Variants in GATAD2A observed in about 807,000 individuals in gnomAD.
GATAD2A encodes transcriptional repressor p66-alpha.
GATAD2A carries 12 observed loss-of-function variants against 68.5 expected under a neutral mutation model. That is an observed-to-expected ratio of 0.18 (90% CI 0.11 to 0.28). GATAD2A has a LOEUF of 0.28. Ranked by LOEUF, GATAD2A falls within the 10% of genes least tolerant of loss-of-function variation. The pLI, the probability that GATAD2A is intolerant of heterozygous loss-of-function variation, is 1.00. For missense variants in GATAD2A, 755 were observed against 868.5 expected (o/e 0.87, Z 1.64); for synonymous variants, 410 against 375.3 (o/e 1.09, Z -1.07).
chr19:19,449,474 A>G (rs1034497678), intron 1 of GATAD2A, among the ~76,000 whole-genome samples: 3 of 152,108 alleles, frequency 2.0e-5, no homozygotes, highest in African/African-American at 7.2e-5. Context: ...ACATGCACAC[A>G]TGCCACGAGA....
chr19:19,505,561 G>T lies in GATAD2A; in HGVS notation c.*87G>T. The T allele has an allele frequency of 8.0e-7, 1 of 1,249,546 alleles. No individual in the cohort carries two copies. Among genetic ancestry groups the T allele is most frequent in the East Asian group, 2.7e-5 (1 of 37,668 alleles). 77.4% of individuals were successfully genotyped at this position (1,249,546 alleles called of 1,614,324 possible). A position where few individuals can be genotyped will look rare whatever the true frequency, so the allele number is the denominator to read the frequency against. ...GGACCCACTGCACCACCCTCCGCTG[G>T]CTCGGGAAGACACCGTGCCCGCCCC... On this transcript the variant is annotated 3_prime_UTR_variant, in exon 12 of 12. Transcript: ENST00000683918.
intron 2 of GATAD2A, among the ~76,000 whole-genome samples, chr19:19,489,375 T>A (rs1283609530): frequency 6.6e-6 from 1 of 152,244 alleles, no homozygotes; most frequent in Non-Finnish European, 1.5e-5. Flanking sequence ...GAACTGGCCG[T>A]TGCCATGGTT....
At chr19:19,443,898 G>C (rs1007207419) in intron 1 of GATAD2A, among the ~76,000 whole-genome samples, 6 of 151,970 alleles carry the variant, frequency 3.9e-5, no homozygotes, top group Non-Finnish European at 5.9e-5. Context: ...AGCAGAGACT[G>C]GAATTGCCAG....
intron 11 of GATAD2A, among the ~76,000 whole-genome samples, chr19:19,504,588 G>C (rs866867152): frequency 1.3e-5 from 2 of 151,664 alleles, no homozygotes; most frequent in Middle Eastern, 6.8e-3. Context: ...TGGAGTTTGA[G>C]ACCAGTAAAC....
intron 1 of GATAD2A, among the ~76,000 whole-genome samples, chr19:19,427,269 G>T (rs2053206605): frequency 6.6e-6 from 1 of 152,070 alleles, no homozygotes. Flanking sequence ...AACTCAAAAT[G>T]GTTAAGATGT....
intron 2 of GATAD2A, among the ~76,000 whole-genome samples, chr19:19,491,884 C>T (rs772047914): frequency 5.3e-5 from 8 of 152,202 alleles, no homozygotes; most frequent in Non-Finnish European, 8.8e-5. Flanking sequence ...GCGAGGCACA[C>T]ACATGCCATC....
chr19:19,479,044 G>A (rs1019400493), intron 2 of GATAD2A, among the ~76,000 whole-genome samples: 1 of 152,204 alleles, frequency 6.6e-6, no homozygotes, highest in Non-Finnish European at 1.5e-5. Context: ...CTAGCATGGA[G>A]AAGAGGTTGG....
At chr19:19,441,903 G>C (rs903814906) in intron 1 of GATAD2A, among the ~76,000 whole-genome samples, 1 of 150,348 alleles carries the variant, frequency 6.7e-6, no homozygotes, top group East Asian at 2.0e-4. Context: ...CTCTTGTTGC[G>C]CAGGCTGGAG....
chr19:19,458,810 T>C (rs551924511), intron 1 of GATAD2A, among the ~76,000 whole-genome samples: 10 of 152,306 alleles, frequency 6.6e-5, no homozygotes, highest in African/African-American at 2.4e-4. Flanking sequence ...AGTGGTATCC[T>C]CTCTCGGCCC....
chr19:19,491,868 C>T (rs902980232), intron 2 of GATAD2A, among the ~76,000 whole-genome samples: 1 of 152,200 alleles, frequency 6.6e-6, no homozygotes, highest in Non-Finnish European at 1.5e-5. Flanking sequence ...GGGCTGCGGG[C>T]TGGTGGCGAG....
At chr19:19,395,628 T>C (rs1272127001) in intron 1 of GATAD2A, among the ~76,000 whole-genome samples, 1 of 152,190 alleles carries the variant, frequency 6.6e-6, no homozygotes, top group Non-Finnish European at 1.5e-5. Flanking sequence ...TTTCTTGTTA[T>C]ATTATCACAG....
At chr19:19,387,242 G>C (rs2048500021) in intron 1 of GATAD2A, among the ~76,000 whole-genome samples, 1 of 151,634 alleles carries the variant, frequency 6.6e-6, no homozygotes, top group African/African-American at 2.4e-5. Flanking sequence ...GCTGCTTCTC[G>C]GAGGAAGCCT....
At chr19:19,489,814 A>T (rs2059666140) in intron 2 of GATAD2A, among the ~76,000 whole-genome samples, 1 of 152,220 alleles carries the variant, frequency 6.6e-6, no homozygotes, top group Admixed American at 6.5e-5. Flanking sequence ...TCTATACAAG[A>T]TGCTGCCTTG....
At chr19:19,403,309 C>CT (rs2049929846), upstream of GATAD2A, among the ~76,000 whole-genome samples, 1 of 152,132 alleles carries the variant, frequency 6.6e-6, no homozygotes, top group African/African-American at 2.4e-5. Flanking sequence ...CAACCTGAGC[C>CT]TATGGGACCC....
chr19:19,465,491 C>A lies in GATAD2A; in HGVS notation c.146C>A (p.Thr49Lys). The change falls in exon 2 of 12, where the codon ACA becomes AAA. Residue 49 changes from threonine to lysine, a missense_variant. Thr to Lys is a moderately conservative substitution (Grantham distance 78, BLOSUM62 -1). Coordinates refer to ENST00000683918, the MANE Select transcript of GATAD2A (RefSeq NM_001384528.1). ...DLNTDGDMRV[T>K]PEPGAGPTQG... ...AACACTGACGGAGACATGAGGGTGA[C>A]ACCTGAGCCGGGAGCAGGTCCAACC... 3.1e-6 allele frequency: 5 copies of A among 1,614,012 alleles called. No individual in the cohort carries two copies. The highest frequency in any genetic ancestry group is 3.4e-6 in the Non-Finnish European group (4 of 1,179,854).
At chr19:19,407,073 T>C (rs1430506404) in intron 1 of GATAD2A, among the ~76,000 whole-genome samples, 16 of 152,222 alleles carry the variant, frequency 1.1e-4, no homozygotes, top group Non-Finnish European at 7.4e-5. Flanking sequence ...TTGGAGTACA[T>C]AGTGCTGGTT....
intron 11 of GATAD2A, among the ~76,000 whole-genome samples, chr19:19,502,777 T>C (rs554211806): frequency 6.6e-6 from 1 of 152,328 alleles, no homozygotes; most frequent in African/African-American, 2.4e-5. Flanking sequence ...CGACAAAACA[T>C]GGGCCAGGCC....
chr19:19,431,015 G>GTA (rs1568278301), intron 1 of GATAD2A, among the ~76,000 whole-genome samples: 8 of 149,756 alleles, frequency 5.3e-5, no homozygotes, highest in Non-Finnish European at 1.5e-5. Flanking sequence ...GTGTGTGTGT[G>GTA]TGTAGTACCC....
intron 1 of GATAD2A, among the ~76,000 whole-genome samples, chr19:19,460,515 C>G (rs1223024654): frequency 3.3e-5 from 5 of 152,268 alleles, no homozygotes; most frequent in Non-Finnish European, 7.4e-5. Context: ...CCTGAGGTGC[C>G]CTGTGCCTCC....
Sources: gnomAD v4.1 joint callset for allele counts (sites outside exome capture counted in the v4.1 genomes callset) on GRCh38, gnomAD v4.1.1 for gene constraint, MANE v1.5 for transcripts, NCBI Gene and HGNC (gene_info 2026-07-23, HGNC 2026-07-21) for gene names.